SCAPER: variants seen among roughly 807,000 people sequenced by gnomAD.
The protein encoded by SCAPER is S phase cyclin A-associated protein in the endoplasmic reticulum.
A neutral mutation model predicts 182.2 loss-of-function variants in SCAPER; 98 were observed. That is an observed-to-expected ratio of 0.54 (90% confidence interval 0.46 to 0.64). The LOEUF is 0.64. SCAPER is among the 30% of genes least tolerant of loss of function. The pLI is 0.00. For missense variants in SCAPER, 1,432 were observed against 1,690.0 expected (o/e 0.85, Z 2.68); for synonymous variants, 605 against 564.6 (o/e 1.07, Z -1.01).
At chr15:76,397,417 G>A (rs909585985) in intron 27 of SCAPER, among the ~76,000 whole-genome samples, 3 of 146,338 alleles carry the variant, frequency 2.1e-5, no homozygotes, top group Non-Finnish European at 4.5e-5. Context: ...TTCTTTAAAT[G>A]TTTGGTAGAA....
chr15:76,798,482 C>T (rs1178089705), intron 7 of SCAPER, among the ~76,000 whole-genome samples: 1 of 150,226 alleles, frequency 6.7e-6, no homozygotes, highest in African/African-American at 2.5e-5. Flanking sequence ...GAGAAAGGGG[C>T]AGAAAAAAAA....
At chr15:76,810,594 G>A (rs542783874) in intron 5 of SCAPER, among the ~76,000 whole-genome samples, 5 of 146,372 alleles carry the variant, frequency 3.4e-5, no homozygotes, top group African/African-American at 1.2e-4. Context: ...GAGAGCAAGT[G>A]AGAAAAACAA....
At position 76,592,689 on chromosome 15, in the gene SCAPER, G is replaced by A. The variant is rs1358964875; in HGVS notation, c.2712-18405C>T. Among the ~76,000 whole-genome samples the A allele has an allele frequency of 1.6e-5, 2 of 122,792 alleles. 1 individual carries two copies. Among genetic ancestry groups the A allele is most frequent in the Non-Finnish European group, 4.0e-5 (2 of 50,340 alleles). 80.6% of individuals were successfully genotyped at this position (122,792 alleles called of 152,430 possible). A position where few individuals can be genotyped will look rare whatever the true frequency, so the allele number is the denominator to read the frequency against. ...TGGAGGGTCAGCCAAAGCAGGGTGA[G>A]GTGTTGCCTCACCTGGGACGCGCAA... On this transcript the variant is annotated intron_variant, in intron 22 of 31. Transcript: ENST00000563290.
intron 14 of SCAPER, among the ~76,000 whole-genome samples, chr15:76,764,090 T>G (rs1364570245): frequency 6.6e-6 from 1 of 152,244 alleles, no homozygotes; most frequent in African/African-American, 2.4e-5. Flanking sequence ...CCAGTCTTTA[T>G]GGACTGGCTT....
intron 17 of SCAPER, among the ~76,000 whole-genome samples, chr15:76,721,739 G>T (rs1379820912): frequency 6.6e-6 from 1 of 151,978 alleles, no homozygotes; most frequent in Non-Finnish European, 1.5e-5. Flanking sequence ...TCTGTTATTG[G>T]TGTATAAGAA....
intron 22 of SCAPER, among the ~76,000 whole-genome samples, chr15:76,620,852 G>A (rs1374390945): frequency 6.6e-6 from 1 of 152,162 alleles, no homozygotes; most frequent in African/African-American, 2.4e-5. Flanking sequence ...GGGGCCTGTC[G>A]AGGGGGGACA....
intron 20 of SCAPER, among the ~76,000 whole-genome samples, chr15:76,693,121 C>T (rs1198254326): frequency 1.3e-5 from 2 of 151,996 alleles, no homozygotes; most frequent in African/African-American, 4.8e-5. Flanking sequence ...ACAGGTAAAA[C>T]TGAGATTGCA....
intron 24 of SCAPER, among the ~76,000 whole-genome samples, chr15:76,495,923 A>G (rs1186317181): frequency 6.6e-6 from 1 of 151,626 alleles, no homozygotes; most frequent in Non-Finnish European, 1.5e-5. Context: ...TAGCTGTAGG[A>G]TTAAAGTTCT....
chr15:76,483,153 T>C (rs1307811509), intron 24 of SCAPER, among the ~76,000 whole-genome samples: 1 of 151,906 alleles, frequency 6.6e-6, no homozygotes, highest in Non-Finnish European at 1.5e-5. Flanking sequence ...AATAGACACA[T>C]AGATCAATGG....
intron 28 of SCAPER, among the ~76,000 whole-genome samples, chr15:76,378,258 TCA>T (rs10601791): frequency 0.1 from 15,940 of 152,206 alleles, 1,003 homozygotes; most frequent in African/African-American, 0.18. Context: ...ACAATTTATC[TCA>T]GTTTTTTTCT....
intron 21 of SCAPER, among the ~76,000 whole-genome samples, chr15:76,640,116 C>T (rs1241557079): frequency 6.6e-6 from 1 of 152,144 alleles, no homozygotes; most frequent in Non-Finnish European, 1.5e-5. Flanking sequence ...ACTGTGACCG[C>T]TGCTACTGCT....
chr15:76,845,556 T>C (rs2069981668), intron 4 of SCAPER, among the ~76,000 whole-genome samples: 1 of 151,984 alleles, frequency 6.6e-6, no homozygotes, highest in Non-Finnish European at 1.5e-5. Context: ...GTTGCATTTC[T>C]ACATGCTAAC....
intron 23 of SCAPER, among the ~76,000 whole-genome samples, chr15:76,535,350 T>C (rs284883): frequency 0.97 from 146,959 of 151,138 alleles, 71,563 homozygotes; most frequent in East Asian, 1. Flanking sequence ...GGTGAGACCC[T>C]GTCTCTACTA....
chr15:76,367,391 C>A (rs1458852930), intron 29 of SCAPER, among the ~76,000 whole-genome samples: 1 of 152,190 alleles, frequency 6.6e-6, no homozygotes, highest in Non-Finnish European at 1.5e-5. Flanking sequence ...ACAAACACCC[C>A]CTCCATGGCT....
chr15:76,678,306 C>G (rs1244091129), intron 20 of SCAPER, among the ~76,000 whole-genome samples: 1 of 152,010 alleles, frequency 6.6e-6, no homozygotes, highest in Non-Finnish European at 1.5e-5. Flanking sequence ...AAAATTAGTG[C>G]AACGGTTTTC....
rs1239725461 is a variant in SCAPER, at chr15:76,702,873, G to A, written c.2377C>T (p.Gln793Ter). The part of the protein sequence containing the change: ...PKLTPYERKK[Q>*]CSLCNVLISS... ...ACCAGGACATTGCAGAGAGAACACT[G>A]CTTCTTTCTTTCATAAGGGGTCAGT... Residue 793 changes from glutamine to a stop codon, truncating the protein, a stop_gained, in exon 19 of 32, where the codon CAG becomes TAG. Coordinates refer to ENST00000563290, the MANE Select transcript of SCAPER (RefSeq NM_020843.4). LOFTEE classifies it high-confidence loss of function. 6.2e-7 allele frequency: 1 copy of A among 1,608,328 alleles called. No homozygotes were observed. The highest frequency in any genetic ancestry group is 8.5e-7 in the Non-Finnish European group (1 of 1,178,482).
At chr15:76,401,681 C>T (rs1040127614) in intron 27 of SCAPER, among the ~76,000 whole-genome samples, 4 of 152,220 alleles carry the variant, frequency 2.6e-5, no homozygotes, top group African/African-American at 9.7e-5. Context: ...CCCAATTGCA[C>T]AGCTACATCA....
chr15:76,619,995 G>C (rs141270347), intron 22 of SCAPER, among the ~76,000 whole-genome samples: 104 of 152,240 alleles, frequency 6.8e-4, no homozygotes, highest in African/African-American at 2.3e-3. Context: ...AGAATTGCCC[G>C]AACCTGGGAG....
chr15:76,390,880 T>G (rs1485894178), intron 27 of SCAPER, among the ~76,000 whole-genome samples: 4 of 152,214 alleles, frequency 2.6e-5, no homozygotes, highest in African/African-American at 9.7e-5. Context: ...GGTGCTGCAT[T>G]AAGATTCCAG....
Sources: gnomAD v4.1 joint callset for allele counts (sites outside exome capture counted in the v4.1 genomes callset) on GRCh38, gnomAD v4.1.1 for gene constraint, MANE v1.5 for transcripts, NCBI Gene and HGNC (gene_info 2026-07-23, HGNC 2026-07-21) for gene names.